The following VPS37A variants were observed in gnomAD, a reference collection of about 807,000 sequenced individuals.
The protein encoded by VPS37A is VPS37A subunit of ESCRT-I, also known as vacuolar protein sorting-associated protein 37A.
A neutral mutation model predicts 49.8 loss-of-function variants in VPS37A; 30 were observed. That is an observed-to-expected ratio of 0.60 (90% confidence interval 0.45 to 0.82). The LOEUF (loss-of-function observed/expected upper bound fraction) is 0.82, where lower values mean the gene tolerates loss of function less well. Among genes scored for constraint, VPS37A ranks in the 40% least tolerant of loss-of-function variants. The probability of loss-of-function intolerance (pLI) is 0.00; values close to 1 mark genes in which losing one functional copy is unlikely to be tolerated. For missense variants in VPS37A, 593 were observed against 464.4 expected (o/e 1.28, Z -2.55); for synonymous variants, 195 against 160.6 (o/e 1.21, Z -1.62).
At chr8:17,284,835 C>A (rs184228556) in intron 10 of VPS37A, among the ~76,000 whole-genome samples, 1 of 152,224 alleles carries the variant, frequency 6.6e-6, no homozygotes, top group African/African-American at 2.4e-5. Context: ...TGTCATAGGA[C>A]TCTGGACAGC....
chr8:17,272,481 A>G (rs536766747), intron 4 of VPS37A, among the ~76,000 whole-genome samples: 4 of 152,318 alleles, frequency 2.6e-5, no homozygotes, highest in Admixed American at 2.0e-4. Context: ...CAAACCGACA[A>G]GTTTACTTGT....
In VPS37A at chr8:17,295,241, C is replaced by T. The variant is rs1816535559; in HGVS notation, c.*255C>T. 1 of 151,746 alleles carries T rather than the reference C, an allele frequency of 6.6e-6. No homozygotes were observed. The highest frequency in any genetic ancestry group is 2.1e-4 in the South Asian group (1 of 4,834). The allele number at this position is 151,746 out of a possible 1,614,324, so 9.4% of individuals were successfully genotyped here. ...ATTGTATCATATTTAAGTTCCACTG[C>T]TGTTCCTCTTACCTTGATTAAATGC... On this transcript the variant is annotated 3_prime_UTR_variant, in exon 12 of 12. Transcript: ENST00000324849.
intron 4 of VPS37A, among the ~76,000 whole-genome samples, chr8:17,274,516 C>G (rs1229019625): frequency 1.3e-5 from 2 of 151,790 alleles, no homozygotes; most frequent in African/African-American, 2.4e-5. Flanking sequence ...TTTGTAGAAA[C>G]CACAATTCTA....
the VPS37A span, among the ~76,000 whole-genome samples, chr8:17,317,678 A>G: frequency 3.3e-5 from 5 of 152,306 alleles, no homozygotes; most frequent in African/African-American, 1.2e-4. Context: ...TTCTCGTGCA[A>G]ACATTCGGCT....
intron 9 of VPS37A, among the ~76,000 whole-genome samples, chr8:17,282,589 A>C (rs761404027): frequency 3.3e-5 from 5 of 152,204 alleles, no homozygotes; most frequent in Non-Finnish European, 7.3e-5. Context: ...TACAACAAAT[A>C]CTAATGCCAG....
At chr8:17,325,671 G>A in the VPS37A span, among the ~76,000 whole-genome samples, 2 of 152,178 alleles carry the variant, frequency 1.3e-5, no homozygotes, top group Admixed American at 1.3e-4. Flanking sequence ...AGAACAACTT[G>A]CTGAGAAAAT....
chr8:17,247,775 A>G, intron 1 of VPS37A: 4 of 702,604 alleles, frequency 5.7e-6, no homozygotes, highest in African/African-American at 1.7e-5. Flanking sequence ...CAGGTTTCAC[A>G]AAGAATGGAA....
intron 4 of VPS37A, among the ~76,000 whole-genome samples, chr8:17,271,621 T>C (rs569892408): frequency 5.9e-5 from 9 of 152,204 alleles, no homozygotes; most frequent in Admixed American, 5.2e-4. Flanking sequence ...AAAAAATGCT[T>C]ATGATTTCTT....
Position 17,268,243 on chromosome 8 carries a change from T to TC in VPS37A, c.201-15_201-14insC. On this transcript the variant is annotated splice_polypyrimidine_tract_variant and intron_variant, in intron 2 of 11. Coordinates refer to ENST00000324849, the MANE Select transcript of VPS37A (RefSeq NM_152415.3). ...TATCTTTGTTTTTGTTTTTCATCTG[T>TC]TCTACCTCTACCAGATTGCTTCCTC... The TC allele has an allele frequency of 6.4e-7, 1 of 1,573,020 alleles. No homozygotes were observed.
the VPS37A span, chr8:17,331,157 C>A: frequency 5.0e-6 from 8 of 1,610,390 alleles, no homozygotes; most frequent in South Asian, 8.9e-5. Flanking sequence ...TACCTTCCAG[C>A]ATTTTCTGCA....
intron 5 of VPS37A, among the ~76,000 whole-genome samples, chr8:17,275,195 G>C (rs959233264): frequency 2.6e-5 from 4 of 152,142 alleles, no homozygotes; most frequent in Admixed American, 6.5e-5. Context: ...TTAGGGGAAT[G>C]GTCAGTGCTC....
the VPS37A span, among the ~76,000 whole-genome samples, chr8:17,309,046 C>T: frequency 6.6e-6 from 1 of 152,218 alleles, no homozygotes; most frequent in Non-Finnish European, 1.5e-5. Context: ...CAAGCATTCT[C>T]TGTCTCTTCT....
chr8:17,252,866 C>G (rs1812100398), intron 1 of VPS37A, among the ~76,000 whole-genome samples: 1 of 152,174 alleles, frequency 6.6e-6, no homozygotes, highest in Non-Finnish European at 1.5e-5. Context: ...ACAGAAATCT[C>G]CAAAATATCA....
the VPS37A span, among the ~76,000 whole-genome samples, chr8:17,307,985 T>C: frequency 2.0e-5 from 3 of 151,936 alleles, no homozygotes; most frequent in East Asian, 1.9e-4. Context: ...CATGTATATA[T>C]ATGTAACAAA....
At chr8:17,247,753 A>G in intron 1 of VPS37A, 1 of 702,630 alleles carries the variant, frequency 1.4e-6, no homozygotes, top group Middle Eastern at 2.3e-4. Flanking sequence ...TACAATTGTG[A>G]AGAGTAATCT....
At chr8:17,316,862 G>A in the VPS37A span, among the ~76,000 whole-genome samples, 2 of 152,062 alleles carry the variant, frequency 1.3e-5, no homozygotes, top group African/African-American at 2.4e-5. Context: ...AATCTATGGG[G>A]GCTGGGGTGG....
downstream of VPS37A, chr8:17,305,912 A>G (rs1308197548): frequency 1.2e-6 from 2 of 1,613,760 alleles, no homozygotes; most frequent in Non-Finnish European, 1.7e-6. Flanking sequence ...TGAACTGGTC[A>G]ATAACTGGAG....
At chr8:17,289,054 A>G (rs4922279) in intron 11 of VPS37A, among the ~76,000 whole-genome samples, 92,295 of 151,934 alleles carry the variant, frequency 0.61, 30,013 homozygotes, top group African/African-American at 0.84. Flanking sequence ...ACTTTTTGAT[A>G]GGGTTGTATT....
At chr8:17,332,546 G>C in the VPS37A span, among the ~76,000 whole-genome samples, 179 of 152,298 alleles carry the variant, frequency 1.2e-3, 1 homozygote, top group African/African-American at 4.0e-3. Flanking sequence ...GTTATATCAT[G>C]ATGAGCCCAT....
Sources: allele counts gnomAD v4.1 joint callset (sites outside exome capture counted in the v4.1 genomes callset), GRCh38; gene constraint gnomAD v4.1.1; transcripts MANE v1.5; gene names NCBI Gene and HGNC (gene_info 2026-07-23, HGNC 2026-07-21).